ITPR2: variants seen among roughly 807,000 people sequenced by gnomAD.
ITPR2 encodes the protein inositol 1,4,5-trisphosphate-gated calcium channel ITPR2.
Under a neutral mutation model 317.1 loss-of-function variants are expected in ITPR2, and 207 were observed. The observed-to-expected ratio is 0.65, with a 90% confidence interval of 0.58 to 0.73. The LOEUF is 0.73. Ranked by LOEUF, ITPR2 falls within the 30% of genes least tolerant of loss-of-function variation. ITPR2 has a pLI of 0.00. For missense variants in ITPR2, 2,613 were observed against 3,284.0 expected (o/e 0.80, Z 4.99); for synonymous variants, 1,156 against 1,149.1 (o/e 1.01, Z -0.12).
chr12:26,528,966 C>T (rs1943880156), intron 37 of ITPR2, among the ~76,000 whole-genome samples: 1 of 152,186 alleles, frequency 6.6e-6, no homozygotes, highest in South Asian at 2.1e-4. Context: ...CACATTCAGC[C>T]TCACATTCAA....
intron 26 of ITPR2, among the ~76,000 whole-genome samples, chr12:26,611,598 T>C (rs1591960458): frequency 6.6e-6 from 1 of 152,054 alleles, no homozygotes; most frequent in Admixed American, 6.6e-5. Context: ...GGCAACCATA[T>C]ATAGGTGAGT....
intron 37 of ITPR2, among the ~76,000 whole-genome samples, chr12:26,507,314 C>A (rs1318853956): frequency 6.6e-6 from 1 of 152,078 alleles, no homozygotes; most frequent in Non-Finnish European, 1.5e-5. Flanking sequence ...CCTAGAGATG[C>A]CTGAGCTAAT....
At chr12:26,587,896 T>C (rs1033173881) in intron 32 of ITPR2, among the ~76,000 whole-genome samples, 5 of 152,138 alleles carry the variant, frequency 3.3e-5, no homozygotes, top group African/African-American at 1.2e-4. Flanking sequence ...GGTAGCGTAG[T>C]TGTGATGGGA....
rs1941622876 is a variant in ITPR2, at chr12:26,446,949, C to T, written c.6343-3299G>A. Among the ~76,000 whole-genome samples, 3 of 152,162 alleles carry T rather than the reference C, an allele frequency of 2.0e-5. No homozygotes were observed. The South Asian group carries it at 6.2e-4, about 32-fold the overall frequency. On this transcript the variant is annotated intron_variant, in intron 45 of 56. Coordinates refer to ENST00000381340, the MANE Select transcript of ITPR2 (RefSeq NM_002223.4). ...TTCTTTGTAATAGAGGGTCTTGACT[C>T]ATGAGGCTTATTTTCTCCTCCCTGT...
chr12:26,615,692 T>A (rs776660870), intron 26 of ITPR2, among the ~76,000 whole-genome samples: 12 of 152,274 alleles, frequency 7.9e-5, no homozygotes, highest in Non-Finnish European at 1.6e-4. Context: ...TAAATTCTTT[T>A]GTTCTGCAGT....
rs2136897560 is a variant in ITPR2, at chr12:26,653,957, C to T, written c.2740+19G>A. The stretch of plus-strand genomic sequence containing the variant: ...CCAAGTAATAACAATGATATTATCA[C>T]ATTTCCCAAAATTCTTACCTCCATC... On this transcript the variant is annotated intron_variant, in intron 21 of 56. Coordinates refer to ENST00000381340, the MANE Select transcript of ITPR2 (RefSeq NM_002223.4). 2 of 1,594,714 alleles carry T rather than the reference C, an allele frequency of 1.3e-6. No homozygotes were observed. Among genetic ancestry groups the T allele is most frequent in the East Asian group, 2.2e-5 (1 of 44,708 alleles).
intron 39 of ITPR2, among the ~76,000 whole-genome samples, chr12:26,491,317 A>G (rs557457837): frequency 6.6e-6 from 1 of 151,876 alleles, no homozygotes; most frequent in East Asian, 2.0e-4. Flanking sequence ...CCCCGTCTCT[A>G]CTAAAAATAC....
At chr12:26,640,680 T>C (rs2136860721) in intron 21 of ITPR2, among the ~76,000 whole-genome samples, 1 of 152,236 alleles carries the variant, frequency 6.6e-6, no homozygotes, top group African/African-American at 2.4e-5. Context: ...ATAAGTCTAT[T>C]GGAAAAGACA....
At chr12:26,823,298 G>A (rs908373953) in intron 1 of ITPR2, among the ~76,000 whole-genome samples, 3 of 152,084 alleles carry the variant, frequency 2.0e-5, no homozygotes, top group African/African-American at 7.2e-5. Flanking sequence ...GTCAGGTGCT[G>A]AGCATACAGG....
intron 49 of ITPR2, among the ~76,000 whole-genome samples, chr12:26,421,095 CTATT>C (rs1410234854): frequency 3.9e-5 from 6 of 151,904 alleles, no homozygotes; most frequent in African/African-American, 1.2e-4. Context: ...CGCAGAAAAA[CTATT>C]TATAAGCTCC....
At chr12:26,631,227 C>T (rs1384572038) in intron 22 of ITPR2, among the ~76,000 whole-genome samples, 1 of 152,098 alleles carries the variant, frequency 6.6e-6, no homozygotes, top group East Asian at 1.9e-4. Context: ...ATTTATAGCT[C>T]TCGTAATGGG....
At chr12:26,366,581 T>G (rs1939018711) in intron 55 of ITPR2, among the ~76,000 whole-genome samples, 1 of 152,130 alleles carries the variant, frequency 6.6e-6, no homozygotes, top group African/African-American at 2.4e-5. Context: ...CTAAAGAGAA[T>G]GTAAGTTTTA....
chr12:26,468,749 G>C (rs191061250), intron 45 of ITPR2, among the ~76,000 whole-genome samples: 1 of 152,060 alleles, frequency 6.6e-6, no homozygotes, highest in Non-Finnish European at 1.5e-5. Context: ...GTCCTAGTCA[G>C]TCATTCATTC....
chr12:26,774,037 G>T (rs1218559150), intron 2 of ITPR2, among the ~76,000 whole-genome samples: 1 of 122,086 alleles, frequency 8.2e-6, no homozygotes, highest in African/African-American at 3.1e-5. Flanking sequence ...CTCCTGACTT[G>T]GAAATCCACT....
chr12:26,546,876 C>G (rs954229388), intron 37 of ITPR2, among the ~76,000 whole-genome samples: 10 of 152,124 alleles, frequency 6.6e-5, no homozygotes, highest in African/African-American at 2.2e-4. Context: ...GGATCCCTAT[C>G]TCTCACCATA....
At chr12:26,425,869 A>G (rs558593016) in intron 49 of ITPR2, among the ~76,000 whole-genome samples, 11 of 152,302 alleles carry the variant, frequency 7.2e-5, no homozygotes, top group Admixed American at 1.3e-4. Context: ...ATGAAGAGTC[A>G]TTTGCTATAG....
At chr12:26,539,143 T>G (rs555044131) in intron 37 of ITPR2, among the ~76,000 whole-genome samples, 1 of 152,298 alleles carries the variant, frequency 6.6e-6, no homozygotes, top group South Asian at 2.1e-4. Flanking sequence ...CCGAAATTAG[T>G]GTATTTGATA....
At chr12:26,633,743 C>T (rs948359891) in intron 21 of ITPR2, among the ~76,000 whole-genome samples, 12 of 152,110 alleles carry the variant, frequency 7.9e-5, no homozygotes, top group African/African-American at 2.7e-4. Flanking sequence ...TTTGAGCCAT[C>T]GATATTTAAC....
At chr12:26,532,641 A>G (rs1407966448) in intron 37 of ITPR2, among the ~76,000 whole-genome samples, 1 of 152,192 alleles carries the variant, frequency 6.6e-6, no homozygotes, top group East Asian at 1.9e-4. Flanking sequence ...TGTATTTTGC[A>G]CACAATGGAC....
Sources: allele counts gnomAD v4.1 joint callset (sites outside exome capture counted in the v4.1 genomes callset), GRCh38; gene constraint gnomAD v4.1.1; transcripts MANE v1.5; gene names NCBI Gene and HGNC (gene_info 2026-07-23, HGNC 2026-07-21).